The following PBX1 variants were observed in gnomAD, a reference collection of about 807,000 sequenced individuals.
PBX1 encodes the protein PBX homeobox 1.
A neutral mutation model predicts 53.4 loss-of-function variants in PBX1; 6 were observed. The observed-to-expected ratio is 0.11, with a 90% CI of 0.06 to 0.22. PBX1 has a LOEUF of 0.22. Ranked by LOEUF, PBX1 falls within the 10% of genes least tolerant of loss-of-function variation. PBX1 has a pLI of 1.00. For synonymous variants in PBX1, 204 were observed against 212.3 expected (o/e 0.96, Z 0.34); for missense variants, 251 against 551.4 (o/e 0.46, Z 5.46).
rs187018837 is a variant in PBX1, at chr1:164,789,706, G to A, written c.266-2788G>A. ...GTTGTCCTAAAATCTCTCAGTGTTG[G>A]GCCGCATGCAGGACCAGTTGGGTGT... is the stretch of plus-strand genomic sequence containing the variant. On this transcript the variant is annotated intron_variant, in intron 2 of 8. Transcript: ENST00000420696. Among the ~76,000 whole-genome samples, 398 of 152,226 alleles carry A rather than the reference G, an allele frequency of 2.6e-3. 1 individual carries two copies. Among genetic ancestry groups the A allele is most frequent in the South Asian group, 1.0e-2 (48 of 4,816 alleles).
intron 2 of PBX1, among the ~76,000 whole-genome samples, chr1:164,570,353 C>A (rs1238766892): frequency 6.6e-6 from 1 of 152,086 alleles, no homozygotes; most frequent in Non-Finnish European, 1.5e-5. Flanking sequence ...TGCTCTCCGT[C>A]CCCTTGTCCC....
intron 2 of PBX1, among the ~76,000 whole-genome samples, chr1:164,657,792 C>A (rs760988103): frequency 1.3e-5 from 2 of 152,192 alleles, no homozygotes; most frequent in Non-Finnish European, 2.9e-5. Flanking sequence ...ATTTGCCTTT[C>A]ATTTGCTCAC....
chr1:164,712,177 T>A (rs1284931068), intron 2 of PBX1, among the ~76,000 whole-genome samples: 16 of 129,010 alleles, frequency 1.2e-4, no homozygotes, highest in Admixed American at 1.6e-4. Flanking sequence ...AAGAAGAGAT[T>A]AAAAAAAAAA....
intron 2 of PBX1, among the ~76,000 whole-genome samples, chr1:164,618,302 G>GC (rs988096133): frequency 6.8e-6 from 1 of 147,830 alleles, no homozygotes; most frequent in Non-Finnish European, 1.5e-5. Flanking sequence ...CACGGCGGGG[G>GC]GGGGGGGGCA....
chr1:164,795,574 G>T (rs1431060485), intron 3 of PBX1, among the ~76,000 whole-genome samples: 1 of 152,100 alleles, frequency 6.6e-6, no homozygotes, highest in Non-Finnish European at 1.5e-5. Flanking sequence ...TCATCTATTT[G>T]TTTATATGGG....
At chr1:164,725,875 G>A (rs1664676839) in intron 2 of PBX1, among the ~76,000 whole-genome samples, 2 of 152,156 alleles carry the variant, frequency 1.3e-5, no homozygotes, top group African/African-American at 4.8e-5. Flanking sequence ...TAGAGTGGTT[G>A]GCACCATGAT....
chr1:164,695,408 A>C (rs1475825668), intron 2 of PBX1, among the ~76,000 whole-genome samples: 1 of 152,072 alleles, frequency 6.6e-6, no homozygotes, highest in Non-Finnish European at 1.5e-5. Flanking sequence ...GTTACCTGTA[A>C]TACCTAAAAC....
At chr1:164,581,721 C>A (rs2101742325) in intron 2 of PBX1, among the ~76,000 whole-genome samples, 1 of 152,288 alleles carries the variant, frequency 6.6e-6, no homozygotes, top group South Asian at 2.1e-4. Context: ...GAAAACAATA[C>A]TGTTGATATT....
intron 2 of PBX1, among the ~76,000 whole-genome samples, chr1:164,615,657 C>T (rs1352232350): frequency 4.6e-5 from 7 of 152,174 alleles, no homozygotes; most frequent in Non-Finnish European, 7.3e-5. Context: ...GTGAAACAAT[C>T]GCTAAACGTG....
intron 2 of PBX1, among the ~76,000 whole-genome samples, chr1:164,634,594 C>T (rs1425298106): frequency 6.6e-6 from 1 of 152,052 alleles, no homozygotes; most frequent in Admixed American, 6.6e-5. Context: ...TATGAATTGC[C>T]AAAATTACTT....
At chr1:164,791,091 A>G (rs1668484112) in intron 2 of PBX1, among the ~76,000 whole-genome samples, 1 of 151,676 alleles carries the variant, frequency 6.6e-6, no homozygotes, top group Non-Finnish European at 1.5e-5. Context: ...CCTCTTTCCC[A>G]CCCTACCCAC....
intron 2 of PBX1, among the ~76,000 whole-genome samples, chr1:164,864,224 T>C (rs1672164719): frequency 6.6e-6 from 1 of 152,128 alleles, no homozygotes; most frequent in Non-Finnish European, 1.5e-5. Context: ...TTCTCCATTA[T>C]TAACCCCAGG....
chr1:164,799,672 A>T (rs1377218064), intron 3 of PBX1, 27 bp from the exon 4 acceptor site: 1 of 1,596,844 alleles, frequency 6.3e-7, no homozygotes, highest in South Asian at 1.1e-5. Context: ...ACCCTCAATG[A>T]CGGTGTTGAT....
At chr1:164,624,436 T>G (rs1657904659) in intron 2 of PBX1, among the ~76,000 whole-genome samples, 1 of 152,220 alleles carries the variant, frequency 6.6e-6, no homozygotes, top group South Asian at 2.1e-4. Context: ...GAATGTCATT[T>G]TCTCTCAATG....
chr1:164,618,187 TCTC>T (rs1657408998), intron 2 of PBX1, among the ~76,000 whole-genome samples: 1 of 151,376 alleles, frequency 6.6e-6, no homozygotes, highest in African/African-American at 2.4e-5. Context: ...ACTGAACAAC[TCTC>T]CTCCTCCCCG....
chr1:164,844,132 T>TTA (rs1348429063), intron 8 of PBX1, among the ~76,000 whole-genome samples: 1 of 147,050 alleles, frequency 6.8e-6, no homozygotes, highest in Non-Finnish European at 1.5e-5. Flanking sequence ...TTTTTTTTTT[T>TTA]ACCAGAATTT....
chr1:164,876,926 C>G (rs1229840446), intron 2 of PBX1, among the ~76,000 whole-genome samples: 1 of 152,186 alleles, frequency 6.6e-6, no homozygotes, highest in Non-Finnish European at 1.5e-5. Flanking sequence ...GTGCACCTAA[C>G]TCACCCTGGA....
intron 2 of PBX1, among the ~76,000 whole-genome samples, chr1:164,708,096 C>CA (rs1468329212): frequency 2.6e-5 from 4 of 152,190 alleles, no homozygotes; most frequent in African/African-American, 9.6e-5. Flanking sequence ...ACCTGCAAGT[C>CA]AGTTAGGTGA....
At chr1:164,739,766 T>C (rs1001714141) in intron 2 of PBX1, among the ~76,000 whole-genome samples, 119 of 107,488 alleles carry the variant, frequency 1.1e-3, no homozygotes, top group South Asian at 9.9e-3. Flanking sequence ...TGTGTGTGTG[T>C]GTGTGTGTGT....
Sources: allele counts gnomAD v4.1 joint callset (sites outside exome capture counted in the v4.1 genomes callset), GRCh38; gene constraint gnomAD v4.1.1; transcripts MANE v1.5; gene names NCBI Gene and HGNC (gene_info 2026-07-23, HGNC 2026-07-21).